The following ATP2C1 variants were observed in gnomAD, a reference collection of about 807,000 sequenced individuals.
ATP2C1 encodes the protein ATPase secretory pathway Ca2+ transporting 1.
Under a neutral mutation model 120.5 loss-of-function variants are expected in ATP2C1, and 31 were observed. The ratio of observed to expected loss-of-function variants is 0.26; its 90% CI spans 0.19 to 0.35. ATP2C1 has a LOEUF of 0.35. Ranked by LOEUF, ATP2C1 falls within the 10% of genes least tolerant of loss-of-function variation. The pLI is 1.00. For missense variants in ATP2C1, 731 were observed against 1,107.5 expected, an observed-to-expected ratio of 0.66 and a Z score of 4.83; for synonymous variants, 351 against 358.7, an observed-to-expected ratio of 0.98 and a Z score of 0.24.
At chr3:130,916,885 T>C (rs1003973490) in intron 2 of ATP2C1, among the ~76,000 whole-genome samples, 4 of 152,214 alleles carry the variant, frequency 2.6e-5, no homozygotes, top group Admixed American at 2.6e-4. Context: ...TTTCTAAACA[T>C]AGCTTTTGTA....
chr3:130,853,383 A>T (rs925539930), intron 1 of ATP2C1, among the ~76,000 whole-genome samples: 1 of 152,162 alleles, frequency 6.6e-6, no homozygotes, highest in African/African-American at 2.4e-5. Flanking sequence ...ATCCAAAATG[A>T]TTCAGTGTTA....
intron 26 of ATP2C1, among the ~76,000 whole-genome samples, chr3:131,015,493 C>T (rs1426031246): frequency 6.6e-6 from 1 of 152,188 alleles, no homozygotes; most frequent in Non-Finnish European, 1.5e-5. Context: ...CACAGACAAA[C>T]ATTATAATTA....
chr3:131,011,908 T>A (rs901289306), intron 26 of ATP2C1, among the ~76,000 whole-genome samples: 1 of 152,354 alleles, frequency 6.6e-6, no homozygotes, highest in Non-Finnish European at 1.5e-5. Flanking sequence ...GTGAAGTGCC[T>A]GTGACCTCTC....
intron 1 of ATP2C1, among the ~76,000 whole-genome samples, chr3:130,864,440 C>A (rs1214165468): frequency 6.6e-6 from 1 of 152,234 alleles, no homozygotes; most frequent in Admixed American, 6.5e-5. Flanking sequence ...AAGGAAAACC[C>A]ATTTTCTGGG....
chr3:130,889,741 G>A (rs2069107586), upstream of ATP2C1, among the ~76,000 whole-genome samples: 1 of 149,860 alleles, frequency 6.7e-6, no homozygotes, highest in Non-Finnish European at 1.5e-5. Flanking sequence ...GACCTCCTGG[G>A]CTTAAGCAAT....
chr3:130,996,674 C>G lies in ATP2C1; in HGVS notation c.2127-6C>G. On this transcript the variant is annotated splice_polypyrimidine_tract_variant and splice_region_variant and intron_variant, in intron 23 of 27. Transcript: ENST00000510168. The stretch of plus-strand genomic sequence containing the variant: ...GATATTTTTAAATGACTCTCTTTTT[C>G]AACAGGAGTATAGCAGCATTAACTT... The G allele has an allele frequency of 6.5e-7, 1 of 1,545,406 alleles. No homozygotes were observed. Among genetic ancestry groups the G allele is most frequent in the Non-Finnish European group, 8.9e-7 (1 of 1,117,498 alleles).
At chr3:130,899,027 A>G (rs1434279831) in intron 2 of ATP2C1, among the ~76,000 whole-genome samples, 1 of 152,158 alleles carries the variant, frequency 6.6e-6, no homozygotes, top group Non-Finnish European at 1.5e-5. Context: ...GGTTATCTTT[A>G]TGCTTTTCAT....
At chr3:130,873,208 A>G (rs1237558142) in intron 1 of ATP2C1, among the ~76,000 whole-genome samples, 1 of 152,216 alleles carries the variant, frequency 6.6e-6, no homozygotes, top group Non-Finnish European at 1.5e-5. Context: ...TAAACAGAGC[A>G]GCTTCTTATA....
At chr3:130,900,241 T>A (rs183199576) in intron 2 of ATP2C1, among the ~76,000 whole-genome samples, 27 of 152,180 alleles carry the variant, frequency 1.8e-4, no homozygotes, top group Admixed American at 1.6e-3. Context: ...TTCTTAATTT[T>A]TTTAAAGACG....
At position 130,965,504 on chromosome 3, in the gene ATP2C1, G is replaced by A. The variant is rs7627637; in HGVS notation, c.1122+459G>A. 7.4e-3 allele frequency among the ~76,000 whole-genome samples: 1,132 copies of A among 152,098 alleles called. 18 individuals carry two copies. Among genetic ancestry groups the A allele is most frequent in the African/African-American group, 0.026 (1,078 of 41,508 alleles). On this transcript the variant is annotated intron_variant, in intron 14 of 27. Coordinates refer to ENST00000510168, the MANE Select transcript of ATP2C1 (RefSeq NM_001378687.1). Reference sequence around the variant, plus strand: ...CTCCATAAATTAAGGTACTCCAATGGTTTTCCATTGTGATCAGGATCCTGA... The same window carrying A: ...CTCCATAAATTAAGGTACTCCAATGATTTTCCATTGTGATCAGGATCCTGA...
At chr3:130,999,038 C>T (rs926647176) in intron 26 of ATP2C1, among the ~76,000 whole-genome samples, 16 of 152,160 alleles carry the variant, frequency 1.1e-4, no homozygotes, top group Admixed American at 2.6e-4. Context: ...CATGCTGGAA[C>T]TTCTGAGTAC....
At chr3:130,866,632 C>T (rs1256541371) in intron 1 of ATP2C1, among the ~76,000 whole-genome samples, 2 of 152,158 alleles carry the variant, frequency 1.3e-5, no homozygotes, top group South Asian at 2.1e-4. Context: ...GTGGTTTTGC[C>T]AATGTGATAC....
At chr3:130,910,530 T>C (rs998138193) in intron 2 of ATP2C1, among the ~76,000 whole-genome samples, 36 of 142,164 alleles carry the variant, frequency 2.5e-4, no homozygotes, top group Non-Finnish European at 4.6e-5. Flanking sequence ...TGTGCCAGTT[T>C]TCAAAGGGAA....
At chr3:130,934,573 A>G in intron 4 of ATP2C1, 49 bp from the exon 5 acceptor site, 1 of 1,211,216 alleles carries the variant, frequency 8.3e-7, no homozygotes, top group South Asian at 1.2e-5. Context: ...TGCTGAGAGA[A>G]CTGTCATGTA....
chr3:130,921,180 C>G (rs1176682603), intron 2 of ATP2C1, among the ~76,000 whole-genome samples: 1 of 149,106 alleles, frequency 6.7e-6, no homozygotes, highest in Non-Finnish European at 1.5e-5. Context: ...CTCCCAGGTT[C>G]AAGTGATTCT....
chr3:130,952,186 A>G (rs564090573), intron 8 of ATP2C1, among the ~76,000 whole-genome samples: 1 of 152,230 alleles, frequency 6.6e-6, no homozygotes. Flanking sequence ...ACCTGGCATT[A>G]TGTTATATAC....
chr3:130,858,463 G>A (rs1350375149), intron 1 of ATP2C1, among the ~76,000 whole-genome samples: 1 of 152,138 alleles, frequency 6.6e-6, no homozygotes, highest in East Asian at 1.9e-4. Flanking sequence ...CTCCTTTAGA[G>A]CAGCCTTTTC....
intron 1 of ATP2C1, among the ~76,000 whole-genome samples, chr3:130,853,076 T>A (rs1182297628): frequency 6.6e-6 from 1 of 152,222 alleles, no homozygotes; most frequent in Non-Finnish European, 1.5e-5. Context: ...CCTCAATATT[T>A]TTCTGTATTT....
intron 3 of ATP2C1, among the ~76,000 whole-genome samples, chr3:130,931,188 T>A (rs1406802427): frequency 1.3e-5 from 2 of 152,128 alleles, no homozygotes. Context: ...CACTTATTTG[T>A]AATATGTTTG....
Sources: allele counts gnomAD v4.1 joint callset (sites outside exome capture counted in the v4.1 genomes callset), GRCh38; gene constraint gnomAD v4.1.1; transcripts MANE v1.5; gene names NCBI Gene and HGNC (gene_info 2026-07-23, HGNC 2026-07-21).